ESPL1: variants seen among roughly 807,000 people sequenced by gnomAD.
The protein encoded by ESPL1 is extra spindle pole bodies like 1, separase.
ESPL1 carries 50 observed loss-of-function variants against 217.2 expected under a neutral mutation model. The observed-to-expected ratio is 0.23, with a 90% CI of 0.18 to 0.29. The LOEUF is 0.29. Among genes scored for constraint, ESPL1 ranks in the 10% least tolerant of loss-of-function variants. The pLI is 1.00. For synonymous variants in ESPL1, 994 were observed against 1,081.3 expected (o/e 0.92, Z 1.58); for missense variants, 1,834 against 2,603.0 (o/e 0.70, Z 6.43).
chr12:53,290,587 T>G, intron 24 of ESPL1, 118 bp downstream of exon 24: 1 of 1,012,788 alleles, frequency 9.9e-7, no homozygotes, highest in Non-Finnish European at 1.4e-6. Context: ...CTTCTGGAAG[T>G]GTAGACCTAA....
intron 22 of ESPL1, 32 bp from the exon 23 acceptor site, chr12:53,290,053 C>T (rs1427307436): frequency 1.2e-6 from 2 of 1,602,070 alleles, no homozygotes; most frequent in Non-Finnish European, 1.7e-6. Context: ...CCTTTAACAG[C>T]TGAATGAGTC....
rs1273934099 is a variant in ESPL1, at chr12:53,288,257, A to G, written c.4462A>G (p.Ile1488Val). ...ARPGPEIMRT[I>V]PEEELTDNWR... ...GCCTGGCCCTGAGATCATGAGGACC[A>G]TCCCTGAGGAAGAACTGACTGACAA... The change falls in exon 19 of 31, where the codon ATC (isoleucine) becomes GTC (valine). Residue 1488 changes from isoleucine to valine, a missense_variant. Physicochemically the swap from Ile to Val is conservative, Grantham distance 29. Transcript: ENST00000257934. 6.8e-6 allele frequency: 11 copies of G among 1,608,252 alleles called. No homozygotes were observed. The highest frequency in any genetic ancestry group is 2.5e-6 in the Non-Finnish European group (3 of 1,177,928).
chr12:53,279,390 T>C (rs1943824538), intron 11 of ESPL1, among the ~76,000 whole-genome samples: 1 of 152,230 alleles, frequency 6.6e-6, no homozygotes, highest in Non-Finnish European at 1.5e-5. Context: ...ATACCTGTTA[T>C]ATGAACTTAG....
At position 53,272,806 on chromosome 12, in the gene ESPL1, G is replaced by A; in HGVS notation, c.1455G>A (p.Gln485=). The A allele has an allele frequency of 6.2e-7, 1 of 1,614,122 alleles. No individual in the cohort carries two copies. Among genetic ancestry groups the A allele is most frequent in the Non-Finnish European group, 8.5e-7 (1 of 1,180,026 alleles). ...GTGCCATCTCTGAGCCGCTCTGTCA[G>A]CACCTGGGTTTGGTGAAGCCAGGCA... ...EACAISEPLC[Q]HLGLVKPGTY... is the part of the protein sequence containing the mutation. Residue 485 remains glutamine, a synonymous_variant, in exon 6 of 31, where the codon CAG becomes CAA. Transcript: ENST00000257934.
chr12:53,289,928 C>T (rs893803477), intron 22 of ESPL1, 157 bp from the exon 23 acceptor site: 9 of 726,474 alleles, frequency 1.2e-5, no homozygotes, highest in Admixed American at 2.9e-5. Context: ...TCTCTGTGCA[C>T]AGGGAGCTAT....
intron 9 of ESPL1, 35 bp from the exon 10 acceptor site, chr12:53,277,435 T>C: frequency 6.2e-7 from 1 of 1,606,288 alleles, no homozygotes; most frequent in Non-Finnish European, 8.5e-7. Flanking sequence ...CCCACACCAC[T>C]GTGCCCTGTT....
chr12:53,293,172 G>T lies in ESPL1; in HGVS notation c.6162-101G>T. 8.9e-7 allele frequency: 1 copy of T among 1,119,724 alleles called. No individual in the cohort carries two copies. Among genetic ancestry groups the T allele is most frequent in the Non-Finnish European group, 1.3e-6 (1 of 750,376 alleles). 69.4% of individuals were successfully genotyped at this position (1,119,724 alleles called of 1,614,324 possible). On this transcript the variant is annotated intron_variant, in intron 30 of 30. Transcript: ENST00000257934. This position sits in a 1 kb window ranked among gnomAD's most constrained non-coding sequence, Gnocchi z 4.2. ...CAAGGGCCAAAGGAGTTTCTCATTGGTTCAATCCTCTCCACTCACCCACCC... is the reference window on the plus strand; with the variant it reads ...CAAGGGCCAAAGGAGTTTCTCATTGTTTCAATCCTCTCCACTCACCCACCC...
In ESPL1 at chr12:53,282,451, G is replaced by A. The variant is rs763483883; in HGVS notation, c.2791+16G>A. 1.2e-6 allele frequency: 2 copies of A among 1,612,592 alleles called. No individual in the cohort carries two copies. Among genetic ancestry groups the A allele is most frequent in the Admixed American group, 1.7e-5 (1 of 59,966 alleles). ...TGTGCCCAAGGTGAAAGAATAGGGT[G>A]GATGGCCCCCCTTGGATGACATGTA... On this transcript the variant is annotated intron_variant, in intron 14 of 30. Transcript: ENST00000257934. The surrounding 1 kb of genome is among the most constrained non-coding windows in gnomAD (Gnocchi z 4.0).
At chr12:53,275,094 G>A (rs976956708) in intron 7 of ESPL1, 84 bp downstream of exon 7, 1 of 1,128,700 alleles carries the variant, frequency 8.9e-7, no homozygotes, top group Admixed American at 3.1e-5. Context: ...CTTGAGGTCA[G>A]GAGTTTGAGA....
rs919628678 is a variant in ESPL1, at chr12:53,293,393, C to T, written c.6282C>T (p.Asn2094=). The change falls in exon 31 of 31, where the codon AAC becomes AAT. Residue 2094 remains asparagine (N), a synonymous_variant. Transcript: ENST00000257934. The surrounding 1 kb of genome is among the most constrained non-coding windows in gnomAD (Gnocchi z 4.2). The part of the protein sequence containing the change: ...GPGAPLLYYV[N]QARQAPRLKY... Reference sequence around the variant, plus strand: ...GGGCCCCCCTTCTCTACTATGTAAACCAGGCCCGCCAAGCTCCCCGACTCA... The same window carrying T: ...GGGCCCCCCTTCTCTACTATGTAAATCAGGCCCGCCAAGCTCCCCGACTCA... 4 of 1,614,006 alleles carry T rather than the reference C, an allele frequency of 2.5e-6. No individual in the cohort carries two copies. The African/African-American group carries it at 5.3e-5, about 22-fold the overall frequency.
At chr12:53,288,938 G>A in intron 20 of ESPL1, 152 bp from the exon 21 acceptor site, 1 of 724,622 alleles carries the variant, frequency 1.4e-6, no homozygotes, top group South Asian at 1.8e-5. Context: ...CCTGTTAGTT[G>A]CATGGCACCC....
intron 17 of ESPL1, among the ~76,000 whole-genome samples, chr12:53,285,474 C>A (rs1943931721): frequency 6.6e-6 from 1 of 152,118 alleles, no homozygotes; most frequent in African/African-American, 2.4e-5. Context: ...ATTTTACCTC[C>A]AAGGCGGGCG....
Position 53,279,753 on chromosome 12 carries a change from C to T in ESPL1, c.2386C>T (p.Leu796Phe), listed in dbSNP as rs752250091. The T allele has an allele frequency of 3.8e-5, 62 of 1,613,950 alleles. No homozygotes were observed. Among genetic ancestry groups the T allele is most frequent in the Non-Finnish European group, 4.7e-5 (56 of 1,180,014 alleles). ...VAKPMQALEV[L>F]LLLRIVSERL... ...CCAGCCCATGCAGGCTCTGGAGGTC[C>T]TCCTGCTGCTACGGATTGTCTCTGA... is the stretch of plus-strand genomic sequence containing the variant. Residue 796 changes from leucine to phenylalanine, a missense_variant, in exon 12 of 31, where the codon CTC becomes TTC. Around this residue, in one of 5 missense-constraint regions of ESPL1, gnomAD observed 746 missense variants for 1,077.0 expected, o/e 0.69. Coordinates refer to ENST00000257934, the MANE Select transcript of ESPL1 (RefSeq NM_012291.5).
intron 6 of ESPL1, among the ~76,000 whole-genome samples, chr12:53,273,681 C>A (rs1387935989): frequency 2.0e-5 from 3 of 150,896 alleles, no homozygotes; most frequent in Non-Finnish European, 4.4e-5. Flanking sequence ...ATTGCCTGAA[C>A]CCAGGAGGTG....
Position 53,277,237 on chromosome 12 carries a change from G to T in ESPL1, c.2085+10G>T, listed in dbSNP as rs746953403. On this transcript the variant is annotated intron_variant, in intron 9 of 30. Coordinates refer to ENST00000257934, the MANE Select transcript of ESPL1 (RefSeq NM_012291.5). ...AGCCAAAATGCAGGAAGTGAGTGTG[G>T]CTGCTGTGGGGCTCACCAGAACTGG... 1.2e-6 allele frequency: 2 copies of T among 1,602,960 alleles called. No homozygotes were observed. The highest frequency in any genetic ancestry group is 2.2e-5 in the East Asian group (1 of 44,504).
Position 53,276,875 on chromosome 12 carries a change from T to G in ESPL1, c.1940+16T>G, listed in dbSNP as rs370317688. On this transcript the variant is annotated intron_variant, in intron 8 of 30. Coordinates refer to ENST00000257934, the MANE Select transcript of ESPL1 (RefSeq NM_012291.5). ...AGACCAACTGGTAAGGAGTAGTAGC[T>G]GCAGAGGCCACTCTTGCTCCTTGCC... is the stretch of plus-strand genomic sequence containing the variant. The G allele has an allele frequency of 2.2e-4, 349 of 1,612,040 alleles. 2 individuals are homozygous for G. The South Asian group carries it at 3.8e-3, about 18-fold the overall frequency.
chr12:53,290,515 G>A (rs754713377), intron 24 of ESPL1, 46 bp downstream of exon 24: 42 of 1,599,328 alleles, frequency 2.6e-5, no homozygotes, highest in Middle Eastern at 1.7e-4. Flanking sequence ...GGAATGACCC[G>A]GGGGGTCCCA....
At position 53,292,207 on chromosome 12, in the gene ESPL1, G is replaced by C; in HGVS notation, c.5797-71G>C. On this transcript the variant is annotated intron_variant, in intron 27 of 30. Transcript: ENST00000257934. The surrounding 1 kb of genome is among the most constrained non-coding windows in gnomAD (Gnocchi z 4.5). ...CCTAGGAATGGCTCAGACATGGAAA[G>C]GGGCTGAGATTGTTAGAGCTTGGGC... The C allele has an allele frequency of 7.0e-7, 1 of 1,424,040 alleles. No homozygotes were observed. The highest frequency in any genetic ancestry group is 9.9e-7 in the Non-Finnish European group (1 of 1,007,306). 88.2% of individuals were successfully genotyped at this position (1,424,040 alleles called of 1,614,324 possible). A position where few individuals can be genotyped will look rare whatever the true frequency, so the allele number is the denominator to read the frequency against.
rs1035210174 is a variant in ESPL1, at chr12:53,270,255, C to T, written c.1144-123C>T. ...AGTCTATCCTGAGAGGGCAGTGGCCCTTCTGGATGTCCTTCCTCGTGCTCC... is the reference window on the plus strand; with the variant it reads ...AGTCTATCCTGAGAGGGCAGTGGCCTTTCTGGATGTCCTTCCTCGTGCTCC... On this transcript the variant is annotated intron_variant, in intron 3 of 30. Coordinates refer to ENST00000257934, the MANE Select transcript of ESPL1 (RefSeq NM_012291.5). 1.9e-5 allele frequency: 18 copies of T among 945,554 alleles called. No individual in the cohort carries two copies. The African/African-American group carries it at 2.6e-4, about 14-fold the overall frequency. 58.6% of individuals were successfully genotyped at this position (945,554 alleles called of 1,614,324 possible).
Sources: allele counts gnomAD v4.1 joint callset (sites outside exome capture counted in the v4.1 genomes callset), GRCh38; gene constraint gnomAD v4.1.1; regional missense constraint gnomAD v4.1.1; non-coding constraint Gnocchi (gnomAD v3.1); transcripts MANE v1.5; gene names NCBI Gene and HGNC (gene_info 2026-07-23, HGNC 2026-07-21).